Variants in DSCAM observed in about 807,000 individuals in gnomAD.
DSCAM encodes the protein cell adhesion molecule DSCAM.
Under a neutral mutation model 217.7 loss-of-function variants are expected in DSCAM, and 47 were observed. The ratio of observed to expected loss-of-function variants is 0.22; its 90% CI spans 0.17 to 0.28. The LOEUF (loss-of-function observed/expected upper bound fraction) is 0.28, where lower values mean the gene tolerates loss of function less well. Ranked by LOEUF, DSCAM falls within the 10% of genes least tolerant of loss-of-function variation. The pLI is 1.00. For synonymous variants in DSCAM, 1,056 were observed against 1,015.3 expected (o/e 1.04, Z -0.76); for missense variants, 2,080 against 2,618.3 (o/e 0.79, Z 4.49).
At chr21:40,516,988 C>CAT (rs943947073) in intron 3 of DSCAM, among the ~76,000 whole-genome samples, 1 of 144,438 alleles carries the variant, frequency 6.9e-6, no homozygotes, top group African/African-American at 2.5e-5. Flanking sequence ...TATATATATA[C>CAT]ATATATATAC....
intron 11 of DSCAM, among the ~76,000 whole-genome samples, 159 bp from the exon 12 acceptor site, chr21:40,189,397 G>A (rs1014210535): frequency 6.6e-6 from 1 of 152,162 alleles, no homozygotes; most frequent in Admixed American, 6.5e-5. Flanking sequence ...TAAAGGAAAG[G>A]CACCAGAAAA....
At chr21:40,643,350 C>G (rs1168558462) in intron 3 of DSCAM, among the ~76,000 whole-genome samples, 1 of 152,114 alleles carries the variant, frequency 6.6e-6, no homozygotes, top group Admixed American at 6.5e-5. Flanking sequence ...TGTTTGAGAA[C>G]AGAAATTTTG....
At chr21:40,038,112 GA>G (rs535628087) in intron 32 of DSCAM, among the ~76,000 whole-genome samples, 72 of 151,948 alleles carry the variant, frequency 4.7e-4, no homozygotes, top group African/African-American at 1.7e-3. Context: ...CATGGGTAAG[GA>G]CTTCATGTCT....
At chr21:40,556,322 CA>C (rs2076671212) in intron 3 of DSCAM, among the ~76,000 whole-genome samples, 1 of 152,038 alleles carries the variant, frequency 6.6e-6, no homozygotes, top group Non-Finnish European at 1.5e-5. Context: ...TTACTGATAA[CA>C]AAAACAGGCA....
At chr21:40,563,834 AT>A (rs1422506186) in intron 3 of DSCAM, among the ~76,000 whole-genome samples, 1 of 148,514 alleles carries the variant, frequency 6.7e-6, no homozygotes, top group East Asian at 2.0e-4. Flanking sequence ...ATGTTTATAT[AT>A]GTTTATATGT....
At chr21:40,203,105 C>T (rs1046493664) in intron 11 of DSCAM, among the ~76,000 whole-genome samples, 14 of 152,194 alleles carry the variant, frequency 9.2e-5, no homozygotes, top group Admixed American at 9.2e-4. Flanking sequence ...TTCAAGATCA[C>T]ACAGGTAGAG....
chr21:40,343,162 C>T (rs2074518269), intron 6 of DSCAM, among the ~76,000 whole-genome samples: 1 of 151,958 alleles, frequency 6.6e-6, no homozygotes, highest in East Asian at 1.9e-4. Context: ...TTCTTATATC[C>T]AATGACTTTT....
At chr21:40,277,618 A>G (rs561731605) in intron 10 of DSCAM, among the ~76,000 whole-genome samples, 1 of 151,802 alleles carries the variant, frequency 6.6e-6, no homozygotes, top group African/African-American at 2.4e-5. Flanking sequence ...TAGAGGGGAC[A>G]TACGACAACC....
At chr21:40,227,357 T>C (rs2091342754) in intron 11 of DSCAM, among the ~76,000 whole-genome samples, 1 of 152,192 alleles carries the variant, frequency 6.6e-6, no homozygotes, top group Non-Finnish European at 1.5e-5. Flanking sequence ...TTCCTGAAGA[T>C]AGAACAGGGC....
intron 3 of DSCAM, among the ~76,000 whole-genome samples, chr21:40,411,943 G>A (rs948029390): frequency 3.3e-5 from 5 of 152,150 alleles, no homozygotes; most frequent in Non-Finnish European, 5.9e-5. Flanking sequence ...GGACCTGGTG[G>A]GAGTTGTTTG....
intron 16 of DSCAM, among the ~76,000 whole-genome samples, chr21:40,152,214 G>C (rs993994829): frequency 6.6e-6 from 1 of 152,080 alleles, no homozygotes; most frequent in African/African-American, 2.4e-5. Context: ...GGAAAATGTT[G>C]AAATTTAGAA....
intron 20 of DSCAM, among the ~76,000 whole-genome samples, chr21:40,109,068 T>C (rs1340108876): frequency 6.6e-6 from 1 of 152,120 alleles, no homozygotes; most frequent in Non-Finnish European, 1.5e-5. Context: ...GCCTAGGCAA[T>C]ACTATTCAGG....
chr21:40,818,073 G>A (rs1239782753), intron 1 of DSCAM, among the ~76,000 whole-genome samples: 98 of 124,598 alleles, frequency 7.9e-4, no homozygotes, highest in Non-Finnish European at 1.2e-3. Context: ...TCCGCAGTCC[G>A]GCCTGGGCGA....
chr21:40,437,206 G>C (rs533341089), intron 3 of DSCAM, among the ~76,000 whole-genome samples: 1 of 152,122 alleles, frequency 6.6e-6, no homozygotes, highest in Non-Finnish European at 1.5e-5. Context: ...GTGTAGACAG[G>C]CTCTGTGACA....
intron 3 of DSCAM, among the ~76,000 whole-genome samples, chr21:40,380,221 C>A (rs1345324354): frequency 6.6e-6 from 1 of 152,184 alleles, no homozygotes; most frequent in Admixed American, 6.5e-5. Flanking sequence ...ATGATCAGAT[C>A]TTTGTGCAGA....
At chr21:40,197,914 C>T (rs866327757) in intron 11 of DSCAM, among the ~76,000 whole-genome samples, 8 of 152,130 alleles carry the variant, frequency 5.3e-5, no homozygotes, top group African/African-American at 1.9e-4. Flanking sequence ...AAGTGCAAAG[C>T]CTCTTTCCCT....
At chr21:40,643,206 G>C (rs11909117) in intron 3 of DSCAM, among the ~76,000 whole-genome samples, 312 of 152,282 alleles carry the variant, frequency 2.0e-3, no homozygotes, top group African/African-American at 7.0e-3. Flanking sequence ...TTTTCCTACT[G>C]TCTTGAACTG....
chr21:40,378,152 A>T lies in DSCAM; in HGVS notation c.509-8907T>A, dbSNP rs530933959. On this transcript the variant is annotated intron_variant, in intron 3 of 32. Transcript: ENST00000400454. ...ATGAAGAGGCATATCCAAATCTAGG[A>T]TTAGTCAACTTAATATTGCAAAAAT... Among the ~76,000 whole-genome samples the T allele has an allele frequency of 7.2e-5, 11 of 152,352 alleles. No individual in the cohort carries two copies. In the South Asian group the frequency reaches 1.2e-3, roughly 17 times the overall value.
At chr21:40,388,830 T>C (rs2075109687) in intron 3 of DSCAM, among the ~76,000 whole-genome samples, 1 of 152,192 alleles carries the variant, frequency 6.6e-6, no homozygotes, top group Non-Finnish European at 1.5e-5. Flanking sequence ...AAATCTTGCT[T>C]TTTAATTTCA....
Sources: allele counts gnomAD v4.1 joint callset (sites outside exome capture counted in the v4.1 genomes callset), GRCh38; gene constraint gnomAD v4.1.1; transcripts MANE v1.5; gene names NCBI Gene and HGNC (gene_info 2026-07-23, HGNC 2026-07-21).